The following RBFOX1 variants were observed in gnomAD, a reference collection of about 807,000 sequenced individuals.
RBFOX1 encodes the protein RNA binding protein fox-1 homolog 1.
Under a neutral mutation model 57.7 loss-of-function variants are expected in RBFOX1, and 8 were observed. The ratio of observed to expected loss-of-function variants is 0.14; its 90% CI spans 0.08 to 0.25. RBFOX1 has a LOEUF of 0.25. RBFOX1 is among the 10% of genes least tolerant of loss of function. The pLI is 1.00. For missense variants in RBFOX1, 611 were observed against 548.5 expected (o/e 1.11, Z -1.14); for synonymous variants, 326 against 222.4 (o/e 1.47, Z -4.15).
chr16:5,625,334 G>T (rs1056429871), intron 3 of RBFOX1, among the ~76,000 whole-genome samples: 2 of 151,958 alleles, frequency 1.3e-5, no homozygotes, highest in Non-Finnish European at 2.9e-5. Context: ...GCTGTCAGGG[G>T]CTGCTCCACT....
At chr16:7,340,744 G>A (rs527534178) in intron 4 of RBFOX1, among the ~76,000 whole-genome samples, 1 of 152,286 alleles carries the variant, frequency 6.6e-6, no homozygotes, top group Admixed American at 6.5e-5. Flanking sequence ...TCATTCCAAA[G>A]CACTCGAAGA....
At chr16:6,273,873 C>T (rs1339129941) in intron 1 of RBFOX1, among the ~76,000 whole-genome samples, 3 of 151,950 alleles carry the variant, frequency 2.0e-5, no homozygotes, top group Admixed American at 6.6e-5. Flanking sequence ...AAAAATCAAG[C>T]AGTGAGCAAA....
intron 2 of RBFOX1, among the ~76,000 whole-genome samples, chr16:6,564,358 G>A (rs553950340): frequency 2.0e-5 from 3 of 152,244 alleles, no homozygotes; most frequent in Admixed American, 1.3e-4. Context: ...AGGAAATACT[G>A]TGTTCGTAAA....
At chr16:6,457,409 A>G (rs1033682884) in intron 2 of RBFOX1, among the ~76,000 whole-genome samples, 1 of 127,622 alleles carries the variant, frequency 7.8e-6, no homozygotes, top group South Asian at 2.5e-4. Flanking sequence ...CCCTTGTGTT[A>G]TTTTCTGGTG....
chr16:6,572,976 G>C (rs556695347), intron 2 of RBFOX1, among the ~76,000 whole-genome samples: 12 of 152,154 alleles, frequency 7.9e-5, no homozygotes, highest in Admixed American at 7.2e-4. Flanking sequence ...ACCTTCCCTC[G>C]GGGACCTTGA....
chr16:7,330,525 TAGA>T (rs1300506468), intron 4 of RBFOX1, among the ~76,000 whole-genome samples: 11 of 132,920 alleles, frequency 8.3e-5, no homozygotes, highest in African/African-American at 3.2e-4. Context: ...TGTGTGTGTG[TAGA>T]GAGAGAGAGA....
At chr16:6,593,593 A>G (rs2097745304) in intron 2 of RBFOX1, among the ~76,000 whole-genome samples, 1 of 152,122 alleles carries the variant, frequency 6.6e-6, no homozygotes, top group South Asian at 2.1e-4. Context: ...TCTCTTCATG[A>G]TAGAATTCCT....
intron 1 of RBFOX1, among the ~76,000 whole-genome samples, chr16:5,451,883 G>C (rs2068435536): frequency 1.3e-5 from 2 of 152,114 alleles, no homozygotes; most frequent in South Asian, 2.1e-4. Flanking sequence ...CCCACGATGT[G>C]TTCTGATACC....
intron 4 of RBFOX1, among the ~76,000 whole-genome samples, chr16:5,886,110 G>C (rs984002583): frequency 2.6e-5 from 4 of 152,194 alleles, no homozygotes; most frequent in Non-Finnish European, 5.9e-5. Context: ...ATGGTCATAA[G>C]CTTCCTGAGG....
At chr16:6,614,484 A>G (rs545094165) in intron 2 of RBFOX1, among the ~76,000 whole-genome samples, 5 of 152,318 alleles carry the variant, frequency 3.3e-5, no homozygotes, top group East Asian at 1.9e-4. Context: ...GGACAAACCA[A>G]TCACTGCGGA....
chr16:6,209,164 C>T (rs2097275334), intron 1 of RBFOX1, among the ~76,000 whole-genome samples: 1 of 152,070 alleles, frequency 6.6e-6, no homozygotes, highest in South Asian at 2.1e-4. Flanking sequence ...AAATCTGAGC[C>T]CTTACTCCTC....
chr16:6,930,686 A>G (rs1167956264), intron 3 of RBFOX1, among the ~76,000 whole-genome samples: 2 of 152,160 alleles, frequency 1.3e-5, no homozygotes, highest in African/African-American at 4.8e-5. Context: ...CTGGGATTAC[A>G]GGTGTTAGCC....
chr16:6,515,597 T>TTCTA (rs2096360812), intron 2 of RBFOX1, among the ~76,000 whole-genome samples: 1 of 152,232 alleles, frequency 6.6e-6, no homozygotes, highest in African/African-American at 2.4e-5. Context: ...GAAGCCTTTT[T>TTCTA]ATGGATCAAA....
intron 4 of RBFOX1, among the ~76,000 whole-genome samples, chr16:7,284,570 G>T (rs985770786): frequency 2.6e-5 from 4 of 152,118 alleles, no homozygotes; most frequent in East Asian, 1.9e-4. Context: ...GCCTCAAGCA[G>T]TCCTCCCACC....
At chr16:7,064,401 T>A (rs1165705999) in intron 4 of RBFOX1, among the ~76,000 whole-genome samples, 1 of 152,110 alleles carries the variant, frequency 6.6e-6, no homozygotes, top group Non-Finnish European at 1.5e-5. Context: ...ACCCCTGACC[T>A]CAGGTGAGCT....
intron 2 of RBFOX1, among the ~76,000 whole-genome samples, chr16:6,508,774 A>G (rs1194634226): frequency 6.6e-6 from 1 of 152,144 alleles, no homozygotes; most frequent in African/African-American, 2.4e-5. Flanking sequence ...GCTCTGTATT[A>G]AATTTAGAGA....
At chr16:5,803,873 C>T (rs1216574640) in intron 3 of RBFOX1, among the ~76,000 whole-genome samples, 1 of 152,130 alleles carries the variant, frequency 6.6e-6, no homozygotes, top group Non-Finnish European at 1.5e-5. Flanking sequence ...TGATAATGCG[C>T]ACCAGTAATC....
At chr16:5,822,645 C>CT (rs1432680203) in intron 3 of RBFOX1, among the ~76,000 whole-genome samples, 1 of 152,142 alleles carries the variant, frequency 6.6e-6, no homozygotes, top group Non-Finnish European at 1.5e-5. Flanking sequence ...CACAATGCTG[C>CT]TACAAGAATT....
chr16:5,904,305 G>A lies in RBFOX1; in HGVS notation c.351+36970G>A, dbSNP rs17138844. 5.2e-3 allele frequency among the ~76,000 whole-genome samples: 792 copies of A among 152,078 alleles called. 7 individuals carry two copies. Among genetic ancestry groups the A allele is most frequent in the African/African-American group, 0.018 (731 of 41,496 alleles). ...CATGCCACTTTACCTTGTAAGTCAG[G>A]CCAGCAGAATACAAAGCTTCCCCTC... On this transcript the variant is annotated intron_variant, in intron 4 of 19. Coordinates refer to the RBFOX1 transcript ENST00000641259.
Sources: allele counts gnomAD v4.1 joint callset (sites outside exome capture counted in the v4.1 genomes callset), GRCh38; gene constraint gnomAD v4.1.1; transcripts MANE v1.5; gene names NCBI Gene and HGNC (gene_info 2026-07-23, HGNC 2026-07-21).